CREB5: variants seen among roughly 807,000 people sequenced by gnomAD.
The protein encoded by CREB5 is cyclic AMP-responsive element-binding protein 5.
In CREB5, 19 loss-of-function variants were observed where a neutral mutation model predicts 57.1. That is an observed-to-expected ratio of 0.33 (90% CI 0.23 to 0.49). The LOEUF (loss-of-function observed/expected upper bound fraction) is 0.49, where lower values mean the gene tolerates loss of function less well. Ranked by LOEUF, CREB5 falls within the 20% of genes least tolerant of loss-of-function variation. The pLI, the probability that CREB5 is intolerant of heterozygous loss-of-function variation, is 0.99. For missense variants in CREB5, 579 were observed against 671.6 expected (o/e 0.86, Z 1.52); for synonymous variants, 238 against 238.3 (o/e 1.00, Z 0.01).
intron 4 of CREB5, 69 bp downstream of exon 4, chr7:28,507,806 A>G (rs1161342040): frequency 2.3e-5 from 35 of 1,514,264 alleles, no homozygotes; most frequent in Non-Finnish European, 8.0e-6. Flanking sequence ...ACTAGGTGGC[A>G]CTGCACTGCA....
At position 28,734,391 on chromosome 7, in the gene CREB5, A is replaced by G. The variant is rs557997279; in HGVS notation, c.702+10059A>G. Among the ~76,000 whole-genome samples the G allele has an allele frequency of 3.3e-5, 5 of 152,188 alleles. No homozygotes were observed. In the South Asian group the frequency reaches 1.0e-3, roughly 32 times the overall value. On this transcript the variant is annotated intron_variant, in intron 7 of 10. Coordinates refer to ENST00000357727, the MANE Select transcript of CREB5 (RefSeq NM_182898.4). ...TCTGTTCATATAAGTAATACATCAA[A>G]ATTGGGTTCACACTAAATATACAGT... is the stretch of plus-strand genomic sequence containing the variant.
chr7:28,323,945 C>T (rs1321758748), intron 1 of CREB5, among the ~76,000 whole-genome samples: 1 of 152,124 alleles, frequency 6.6e-6, no homozygotes, highest in African/African-American at 2.4e-5. Flanking sequence ...CAACCTAGAT[C>T]CCTCACATAT....
intron 5 of CREB5, among the ~76,000 whole-genome samples, chr7:28,634,956 CAA>C (rs1282434100): frequency 1.3e-5 from 2 of 152,164 alleles, no homozygotes; most frequent in African/African-American, 2.4e-5. Flanking sequence ...CAACAACACA[CAA>C]AAGACATTTA....
At chr7:28,728,462 A>C (rs1380360208) in intron 7 of CREB5, among the ~76,000 whole-genome samples, 1 of 152,252 alleles carries the variant, frequency 6.6e-6, no homozygotes, top group Admixed American at 6.5e-5. Context: ...ATTTACATAA[A>C]AATGGGAGAC....
intron 1 of CREB5, among the ~76,000 whole-genome samples, chr7:28,378,345 T>C (rs1786888083): frequency 6.6e-6 from 1 of 152,164 alleles, no homozygotes; most frequent in Admixed American, 6.5e-5. Context: ...TAATGTTAAA[T>C]GACGAGTTAA....
At chr7:28,708,507 T>A (rs1405492022) in intron 5 of CREB5, among the ~76,000 whole-genome samples, 1 of 151,896 alleles carries the variant, frequency 6.6e-6, no homozygotes, top group African/African-American at 2.4e-5. Context: ...CGAGAAAAGG[T>A]GAAATAAGAG....
At chr7:28,803,173 G>A (rs1808471298) in intron 7 of CREB5, among the ~76,000 whole-genome samples, 1 of 152,154 alleles carries the variant, frequency 6.6e-6, no homozygotes, top group African/African-American at 2.4e-5. Context: ...AGTTGATGTG[G>A]CCATCAAAGG....
intron 5 of CREB5, among the ~76,000 whole-genome samples, chr7:28,652,275 G>A (rs947495867): frequency 3.3e-5 from 5 of 151,972 alleles, no homozygotes; most frequent in African/African-American, 1.2e-4. Flanking sequence ...AATTTATAAT[G>A]TCATAATTTC....
intron 5 of CREB5, among the ~76,000 whole-genome samples, chr7:28,697,381 T>A (rs1185500856): frequency 6.6e-6 from 1 of 152,102 alleles, no homozygotes; most frequent in African/African-American, 2.4e-5. Flanking sequence ...TCATATAAAA[T>A]TAAGGTATTT....
At chr7:28,608,215 A>G (rs1436001311) in intron 5 of CREB5, among the ~76,000 whole-genome samples, 3 of 151,928 alleles carry the variant, frequency 2.0e-5, no homozygotes, top group Non-Finnish European at 4.4e-5. Context: ...CTAAAGGAGA[A>G]GGCAGGACCA....
At chr7:28,607,744 TGTGTGTGTGTGTGTG>T (rs1797200259) in intron 5 of CREB5, among the ~76,000 whole-genome samples, 1 of 8,114 alleles carries the variant, frequency 1.2e-4, no homozygotes, top group Non-Finnish European at 5.1e-4. Context: ...GCTGTGTGTG[TGTGTGTGTGTGTGTG>T]TGTGTGTGTG....
chr7:28,537,152 G>A (rs1456606485), intron 4 of CREB5, among the ~76,000 whole-genome samples: 1 of 152,148 alleles, frequency 6.6e-6, no homozygotes, highest in Non-Finnish European at 1.5e-5. Context: ...TATATTCATT[G>A]AAGTCCAGTC....
intron 3 of CREB5, among the ~76,000 whole-genome samples, chr7:28,495,229 A>T (rs1476893599): frequency 6.6e-6 from 1 of 152,178 alleles, no homozygotes; most frequent in Non-Finnish European, 1.5e-5. Flanking sequence ...TTGGCTCTAT[A>T]TAAGTTGTTT....
At chr7:28,337,844 G>T (rs549516746) in intron 1 of CREB5, among the ~76,000 whole-genome samples, 2 of 151,744 alleles carry the variant, frequency 1.3e-5, no homozygotes, top group Non-Finnish European at 1.5e-5. Context: ...TCCATTTCTT[G>T]CTTTTTATGT....
intron 1 of CREB5, among the ~76,000 whole-genome samples, chr7:28,365,937 T>C (rs1786577699): frequency 6.6e-6 from 1 of 152,232 alleles, no homozygotes; most frequent in South Asian, 2.1e-4. Flanking sequence ...AAATAGTTGC[T>C]AGGGATAGAA....
chr7:28,303,133 A>G (rs945689573), intron 1 of CREB5, among the ~76,000 whole-genome samples: 3 of 119,168 alleles, frequency 2.5e-5, no homozygotes, highest in African/African-American at 8.9e-5. Context: ...CAAGAGCAAA[A>G]CTCCATCTCA....
intron 4 of CREB5, among the ~76,000 whole-genome samples, chr7:28,518,895 T>C (rs1173884076): frequency 6.6e-6 from 1 of 152,180 alleles, no homozygotes; most frequent in African/African-American, 2.4e-5. Flanking sequence ...ACACATGACT[T>C]TATTTTCTCA....
chr7:28,314,262 G>A (rs932337231), intron 1 of CREB5, among the ~76,000 whole-genome samples: 3 of 152,170 alleles, frequency 2.0e-5, no homozygotes, highest in African/African-American at 7.2e-5. Flanking sequence ...TGTTAAACCA[G>A]ACATGTTTTA....
chr7:28,356,985 T>C (rs1476163320), intron 1 of CREB5, among the ~76,000 whole-genome samples: 1 of 151,740 alleles, frequency 6.6e-6, no homozygotes, highest in African/African-American at 2.4e-5. Context: ...CGTGATTATA[T>C]AGCGGAGGAA....
Sources: allele counts gnomAD v4.1 joint callset (sites outside exome capture counted in the v4.1 genomes callset), GRCh38; gene constraint gnomAD v4.1.1; transcripts MANE v1.5; gene names NCBI Gene and HGNC (gene_info 2026-07-23, HGNC 2026-07-21).